Variants in RB1 observed in about 807,000 individuals in gnomAD.
RB1 encodes the protein retinoblastoma-associated protein.
A neutral mutation model predicts 135.4 loss-of-function variants in RB1; 18 were observed. The ratio of observed to expected loss-of-function variants is 0.13; its 90% CI spans 0.09 to 0.20. RB1 has a LOEUF of 0.20. RB1 is among the 10% of genes least tolerant of loss of function. The probability of loss-of-function intolerance (pLI) is 1.00; values close to 1 mark genes in which losing one functional copy is unlikely to be tolerated. For missense variants in RB1, 868 were observed against 1,110.0 expected (o/e 0.78, Z 3.10); for synonymous variants, 365 against 373.2 (o/e 0.98, Z 0.25).
intron 2 of RB1, among the ~76,000 whole-genome samples, chr13:48,341,994 A>G (rs1449279110): frequency 6.6e-6 from 1 of 152,004 alleles, no homozygotes; most frequent in Non-Finnish European, 1.5e-5. Context: ...AGTGATAATG[A>G]TAGCCATCAA....
At chr13:48,348,818 C>T in intron 5 of RB1, 138 bp from the exon 6 acceptor site, 2 of 928,684 alleles carry the variant, frequency 2.2e-6, no homozygotes, top group Non-Finnish European at 3.1e-6. Flanking sequence ...TTAAAATGGA[C>T]TGCATTCTAT....
chr13:48,433,427 T>C (rs1182172104), intron 17 of RB1, among the ~76,000 whole-genome samples: 1 of 152,178 alleles, frequency 6.6e-6, no homozygotes, highest in East Asian at 1.9e-4. Flanking sequence ...TGGGATTCTG[T>C]TGCCTTGCTT....
chr13:48,431,531 A>C (rs1260386470), intron 17 of RB1, among the ~76,000 whole-genome samples: 1 of 152,220 alleles, frequency 6.6e-6, no homozygotes. Context: ...GCCACTAGTC[A>C]TCTATTCCCA....
rs759675910 is a variant in RB1 at position 48,364,925 on chromosome 13, C to T, written c.893C>T (p.Pro298Leu). The T allele has an allele frequency of 1.9e-6, 3 of 1,565,742 alleles. No individual in the cohort carries two copies. Among genetic ancestry groups the T allele is most frequent in the Admixed American group, 3.6e-5 (2 of 56,124 alleles). ...VKNVYFKNFI[P>L]FMNSLGLVTS... ...AATGTTTATTTCAAAAATTTTATAC[C>T]TTTTATGAATTCTCTTGGACTTGTA... The change falls in exon 9 of 27, where the codon CCT becomes CTT. Residue 298 changes from proline to leucine, a missense_variant. Coordinates refer to ENST00000267163, the MANE Select transcript of RB1 (RefSeq NM_000321.3).
chr13:48,337,294 T>C (rs182961671), intron 2 of RB1, among the ~76,000 whole-genome samples: 1 of 152,288 alleles, frequency 6.6e-6, no homozygotes, highest in Non-Finnish European at 1.5e-5. Flanking sequence ...AAGTCTCCCA[T>C]TATTATTGTG....
intron 10 of RB1, among the ~76,000 whole-genome samples, chr13:48,368,069 G>C (rs914004461): frequency 2.0e-5 from 3 of 152,142 alleles, no homozygotes. Flanking sequence ...TTAATTTTGT[G>C]TCTTTAGCAT....
chr13:48,381,177 A>G, intron 16 of RB1, 70 bp from the exon 17 acceptor site: 5 of 1,510,644 alleles, frequency 3.3e-6, no homozygotes, highest in South Asian at 1.3e-5. Context: ...GTCTGATAAT[A>G]ACTTCCAAAA....
chr13:48,304,145 C>G, intron 1 of RB1, 96 bp downstream of exon 1: 2 of 1,271,020 alleles, frequency 1.6e-6, no homozygotes, highest in Non-Finnish European at 2.0e-6. Context: ...TCCGTCCTCG[C>G]CAGGGGCCGG....
intron 5 of RB1, among the ~76,000 whole-genome samples, chr13:48,348,303 G>GT (rs946091941): frequency 2.0e-5 from 3 of 151,860 alleles, no homozygotes; most frequent in Non-Finnish European, 4.4e-5. Context: ...GAGCTCCAGA[G>GT]TTTTTTCTTG....
chr13:48,351,696 CAG>C (rs1489604164), intron 6 of RB1, among the ~76,000 whole-genome samples: 1 of 150,298 alleles, frequency 6.7e-6, no homozygotes, highest in East Asian at 1.9e-4. Context: ...TTTTTTGAGA[CAG>C]AGTCTCACTC....
chr13:48,304,210 G>A (rs1262807020), intron 1 of RB1, among the ~76,000 whole-genome samples, 161 bp downstream of exon 1: 1 of 152,236 alleles, frequency 6.6e-6, no homozygotes, highest in Admixed American at 6.5e-5. Context: ...AGCGTCTGCA[G>A]AATGGTGACA....
intron 21 of RB1, 120 bp downstream of exon 21, chr13:48,463,955 G>T: frequency 1.6e-6 from 1 of 612,976 alleles, no homozygotes; most frequent in Non-Finnish European, 2.9e-6. Flanking sequence ...ACCTTATTAT[G>T]TAAATTCACA....
chr13:48,325,165 G>A (rs1442168231), intron 2 of RB1, among the ~76,000 whole-genome samples: 1 of 151,970 alleles, frequency 6.6e-6, no homozygotes. Context: ...AGTGTGTCTT[G>A]TTCCCCTGTG....
intron 6 of RB1, among the ~76,000 whole-genome samples, chr13:48,350,642 CA>C (rs1308013154): frequency 2.7e-4 from 41 of 152,198 alleles, no homozygotes; most frequent in African/African-American, 8.7e-4. Flanking sequence ...AAACTTGTGT[CA>C]CAGGGGTTTG....
rs1316722658 is a variant in RB1, at chr13:48,375,477, G to GT, written c.1216-1429dup. On this transcript the variant is annotated intron_variant, in intron 12 of 26. Transcript: ENST00000267163. The stretch of plus-strand genomic sequence containing the variant: ...TTATATGTTTCTAAGTTTGTGTGCT[G>GT]TTTTTTTTTTTTAGGAATATAGAAT... Among the ~76,000 whole-genome samples the GT allele has an allele frequency of 1.9e-3, 260 of 136,960 alleles. 2 individuals are homozygous for GT. The East Asian group carries it at 0.021, about 11-fold the overall frequency. The allele number at this position is 136,960 out of a possible 152,430, so 89.9% of individuals were successfully genotyped here. A position where few individuals can be genotyped will look rare whatever the true frequency, so the allele number is the denominator to read the frequency against.
chr13:48,364,820 G>A, intron 8 of RB1, 74 bp from the exon 9 acceptor site: 1 of 1,501,158 alleles, frequency 6.7e-7, no homozygotes, highest in Middle Eastern at 1.8e-4. Context: ...AACTTACCCT[G>A]CATTGTTCAA....
chr13:48,338,425 C>T (rs1952405861), intron 2 of RB1, among the ~76,000 whole-genome samples: 1 of 152,168 alleles, frequency 6.6e-6, no homozygotes, highest in Non-Finnish European at 1.5e-5. Context: ...TCATTTCATT[C>T]ATTTGATCTT....
intron 8 of RB1, among the ~76,000 whole-genome samples, chr13:48,363,189 T>C (rs778280145): frequency 6.0e-5 from 9 of 150,878 alleles, no homozygotes; most frequent in Non-Finnish European, 8.9e-5. Flanking sequence ...ATCAAGACAA[T>C]AGTTTTCAAA....
At chr13:48,477,661 C>A (rs1234869404) in intron 26 of RB1, among the ~76,000 whole-genome samples, 2 of 152,104 alleles carry the variant, frequency 1.3e-5, no homozygotes, top group Non-Finnish European at 2.9e-5. Context: ...TGACCACATT[C>A]AACACAAATG....
Sources: allele counts gnomAD v4.1 joint callset (sites outside exome capture counted in the v4.1 genomes callset), GRCh38; gene constraint gnomAD v4.1.1; transcripts MANE v1.5; gene names NCBI Gene and HGNC (gene_info 2026-07-23, HGNC 2026-07-21).